The following SGSM2 variants were observed in gnomAD, a reference collection of about 807,000 sequenced individuals.
SGSM2 encodes the protein small G protein signaling modulator 2, also known as RUN and TBC1 domain containing 1.
In SGSM2, 89 loss-of-function variants were observed where a neutral mutation model predicts 126.6. The observed-to-expected ratio is 0.70, with a 90% CI of 0.59 to 0.84. The LOEUF is 0.84. Ranked by LOEUF, SGSM2 falls within the 40% of genes least tolerant of loss-of-function variation. SGSM2 has a pLI of 0.00. For synonymous variants in SGSM2, 614 were observed against 574.3 expected (o/e 1.07, Z -0.99); for missense variants, 1,404 against 1,416.6 (o/e 0.99, Z 0.14).
chr17:2,364,687 C>T (rs751465085), intron 9 of SGSM2, 24 bp downstream of exon 9: 43 of 1,613,664 alleles, frequency 2.7e-5, no homozygotes, highest in South Asian at 4.4e-5. Flanking sequence ...GTCCTCGGCT[C>T]GGGTGGGAAG....
rs1291495450 is a variant in SGSM2 at position 2,352,774 on chromosome 17, T to TC, written c.134-8863_134-8862insC. Among the ~76,000 whole-genome samples, 97 of 89,584 alleles carry TC rather than the reference T, an allele frequency of 1.1e-3. 21 individuals are homozygous for TC. Among genetic ancestry groups the TC allele is most frequent in the East Asian group, 2.4e-3 (8 of 3,316 alleles). The allele number at this position is 89,584 out of a possible 152,430, so 58.8% of individuals were successfully genotyped here. Reference sequence around the variant, plus strand: ...TAACCACTGCTGCATTTTCTTTTTTTTTTTTTTTTTTTTTTTTTTTTGAGA... The same window carrying TC: ...TAACCACTGCTGCATTTTCTTTTTTTCTTTTTTTTTTTTTTTTTTTTTGAGA... On this transcript the variant is annotated intron_variant, in intron 2 of 23. Transcript: ENST00000268989.
chr17:2,379,534 G>C lies in SGSM2; in HGVS notation c.*14G>C. 6.2e-7 allele frequency: 1 copy of C among 1,608,126 alleles called. No homozygotes were observed. On this transcript the variant is annotated 3_prime_UTR_variant, in exon 24 of 24. Coordinates refer to ENST00000268989, the MANE Select transcript of SGSM2 (RefSeq NM_014853.3). The stretch of plus-strand genomic sequence containing the variant: ...GAGAACAAGTGAGCTGGGGCCAGGA[G>C]GCAGCAGCCGTGCAGAGCCTGGGCT...
rs1299635455 is a variant in SGSM2, at chr17:2,362,768, A to G, written c.459-70A>G. 7 of 1,495,472 alleles carry G rather than the reference A, an allele frequency of 4.7e-6. No homozygotes were observed. Among genetic ancestry groups the G allele is most frequent in the Middle Eastern group, 4.1e-4 (2 of 4,822 alleles). The allele number at this position is 1,495,472 out of a possible 1,614,324, so 92.6% of individuals were successfully genotyped here. On this transcript the variant is annotated intron_variant, in intron 4 of 23. Coordinates refer to ENST00000268989, the MANE Select transcript of SGSM2 (RefSeq NM_014853.3). This position sits in a 1 kb window ranked among gnomAD's most constrained non-coding sequence, Gnocchi z 4.9. ...ATCTGGTCTTTGTGGGGATGTCCCTACCTGGTGAGCTTGACTGCCCTGGAA... is the reference window on the plus strand; with the variant it reads ...ATCTGGTCTTTGTGGGGATGTCCCTGCCTGGTGAGCTTGACTGCCCTGGAA...
At chr17:2,352,443 C>T (rs2064895709) in intron 2 of SGSM2, among the ~76,000 whole-genome samples, 1 of 152,206 alleles carries the variant, frequency 6.6e-6, no homozygotes, top group Non-Finnish European at 1.5e-5. Flanking sequence ...AAAGGTGAAA[C>T]CGGGCCGGAG....
chr17:2,362,200 G>T lies in SGSM2; in HGVS notation c.388G>T (p.Val130Leu). 1.9e-6 allele frequency: 3 copies of T among 1,613,610 alleles called. No individual in the cohort carries two copies. ...PALSPQALKHVWVRTALIEKV... is the reference protein window; with the variant it reads ...PALSPQALKHLWVRTALIEKV... Reference sequence around the variant, plus strand: ...CCTCAGCCCTCAGGCCTTGAAACACGTATGGGTACGCACGGCGCTCATCGA... The same window carrying T: ...CCTCAGCCCTCAGGCCTTGAAACACTTATGGGTACGCACGGCGCTCATCGA... The change falls in exon 4 of 24, where the codon GTA (valine) becomes TTA (leucine). Residue 130 changes from valine to leucine, a missense_variant. Val to Leu is a conservative substitution (Grantham distance 32, BLOSUM62 1). Coordinates refer to ENST00000268989, the MANE Select transcript of SGSM2 (RefSeq NM_014853.3). The surrounding 1 kb of genome is among the most constrained non-coding windows in gnomAD (Gnocchi z 4.9).
In SGSM2 at chr17:2,375,476, T is replaced by A. The variant is rs764450590; in HGVS notation, c.2101-16T>A. On this transcript the variant is annotated splice_polypyrimidine_tract_variant and intron_variant, in intron 17 of 23. Coordinates refer to ENST00000268989, the MANE Select transcript of SGSM2 (RefSeq NM_014853.3). The stretch of plus-strand genomic sequence containing the variant: ...TGCTGGAGTGCAGGTGGAGCCGCCC[T>A]GTGTTCACCCCCCAGGTGTTTATCT... 8.2e-6 allele frequency: 13 copies of A among 1,591,262 alleles called. No homozygotes were observed. The South Asian group carries it at 1.5e-4, about 18-fold the overall frequency.
chr17:2,347,938 G>A (rs191912822), intron 2 of SGSM2, among the ~76,000 whole-genome samples: 3 of 152,228 alleles, frequency 2.0e-5, no homozygotes, highest in Non-Finnish European at 4.4e-5. Context: ...ACCCCCCAGG[G>A]ATTGGGGCAG....
At chr17:2,341,768 T>A (rs1397742117) in intron 1 of SGSM2, among the ~76,000 whole-genome samples, 1 of 152,132 alleles carries the variant, frequency 6.6e-6, no homozygotes, top group South Asian at 2.1e-4. Context: ...TACATGGGAG[T>A]GTAAAGTGGT....
In SGSM2 at chr17:2,379,723, G is replaced by A; in HGVS notation, c.*203G>A. The A allele has an allele frequency of 1.4e-6, 2 of 1,410,106 alleles. No individual in the cohort carries two copies. The highest frequency in any genetic ancestry group is 2.5e-5 in the East Asian group (1 of 39,266). 87.3% of individuals were successfully genotyped at this position (1,410,106 alleles called of 1,614,324 possible). A position where few individuals can be genotyped will look rare whatever the true frequency, so the allele number is the denominator to read the frequency against. On this transcript the variant is annotated 3_prime_UTR_variant, in exon 24 of 24. Coordinates refer to ENST00000268989, the MANE Select transcript of SGSM2 (RefSeq NM_014853.3). ...CAGGATGCCCTCGGATCAGGGCCGG[G>A]ATGGGAGGGGTCAGCCTCAGGGAGC...
In SGSM2 at chr17:2,348,159, G is replaced by A. The variant is rs117781021; in HGVS notation, c.133+4539G>A. ...GTCTGCCCTGCAGTGAGCTCCTTCA[G>A]GGAATGGCAAGGAGATGCTAATAAG... is the stretch of plus-strand genomic sequence containing the variant. On this transcript the variant is annotated intron_variant, in intron 2 of 23. Transcript: ENST00000268989. Among the ~76,000 whole-genome samples, 11 of 152,310 alleles carry A rather than the reference G, an allele frequency of 7.2e-5. No individual in the cohort carries two copies. In the East Asian group the frequency reaches 2.1e-3, roughly 29 times the overall value.
At chr17:2,358,783 G>C (rs1301463641) in intron 2 of SGSM2, among the ~76,000 whole-genome samples, 1 of 151,814 alleles carries the variant, frequency 6.6e-6, no homozygotes, top group Non-Finnish European at 1.5e-5. Context: ...AGGAAAAAAA[G>C]CACTCTCCTA....
intron 1 of SGSM2, among the ~76,000 whole-genome samples, chr17:2,340,282 T>C (rs2064290608): frequency 1.3e-5 from 2 of 151,826 alleles, no homozygotes; most frequent in South Asian, 2.1e-4. Context: ...ACCCAGCTAA[T>C]TTTTCGTATT....
chr17:2,354,168 A>G (rs539499009), intron 2 of SGSM2, among the ~76,000 whole-genome samples: 3 of 152,166 alleles, frequency 2.0e-5, no homozygotes, highest in Non-Finnish European at 4.4e-5. Flanking sequence ...TGGCCTCCCA[A>G]ACTGTTGGGA....
At chr17:2,341,182 G>A (rs912443957) in intron 1 of SGSM2, among the ~76,000 whole-genome samples, 9 of 151,856 alleles carry the variant, frequency 5.9e-5, no homozygotes, top group African/African-American at 1.7e-4. Flanking sequence ...GCTGGAGTGC[G>A]ATCTCAGCTC....
At chr17:2,339,707 CAAA>C (rs747440533) in intron 1 of SGSM2, among the ~76,000 whole-genome samples, 8 of 60,562 alleles carry the variant, frequency 1.3e-4, no homozygotes, top group Admixed American at 1.9e-4. Context: ...CACTCCATCT[CAAA>C]AAAAAAAAAA....
At position 2,337,750 on chromosome 17, in the gene SGSM2, A is replaced by C. The variant is rs1268330810; in HGVS notation, c.57+5A>C. ...CTGTGGAACGTGAAGAAGGAGGTAA[A>C]GTCGAGTCAAGAACCCCGGGGGGCT... On this transcript the variant is annotated splice_donor_5th_base_variant and intron_variant, in intron 1 of 23. Coordinates refer to ENST00000268989, the MANE Select transcript of SGSM2 (RefSeq NM_014853.3). This position sits in a 1 kb window ranked among gnomAD's most constrained non-coding sequence, Gnocchi z 5.1. The C allele has an allele frequency of 2.6e-6, 4 of 1,530,956 alleles. No homozygotes were observed. The African/African-American group carries it at 5.7e-5, about 22-fold the overall frequency. 94.8% of individuals were successfully genotyped at this position (1,530,956 alleles called of 1,614,324 possible). A position where few individuals can be genotyped will look rare whatever the true frequency, so the allele number is the denominator to read the frequency against.
At chr17:2,369,941 G>C (rs550324629) in intron 12 of SGSM2, among the ~76,000 whole-genome samples, 26 of 152,282 alleles carry the variant, frequency 1.7e-4, no homozygotes, top group Middle Eastern at 3.4e-3. Flanking sequence ...CCTCCTGGTG[G>C]AGCTGAAGGG....
In SGSM2 at chr17:2,377,045, GC is replaced by G; in HGVS notation, c.2781del (p.Asn928ThrfsTer16). 1 of 1,613,240 alleles carries G rather than the reference GC, an allele frequency of 6.2e-7. No homozygotes were observed. The highest frequency in any genetic ancestry group is 8.5e-7 in the Non-Finnish European group (1 of 1,179,526). On this transcript the variant is annotated frameshift_variant, in exon 21 of 24. Coordinates refer to ENST00000268989, the MANE Select transcript of SGSM2 (RefSeq NM_014853.3). LOFTEE classifies it high-confidence loss of function. ...PNGGAMDTHF[A>X]NMRSLIQILD... ...CGGGGGTGCCATGGACACCCACTTT[GC>G]CAACATGCGCTCCCTCATCCAGGTG...
intron 12 of SGSM2, among the ~76,000 whole-genome samples, chr17:2,368,701 G>A (rs2151600339): frequency 6.8e-6 from 1 of 148,074 alleles, no homozygotes; most frequent in Admixed American, 6.7e-5. Context: ...CGTAGGCCAG[G>A]CCTAGGTGGG....
Sources: gnomAD v4.1 joint callset for allele counts (sites outside exome capture counted in the v4.1 genomes callset) on GRCh38, gnomAD v4.1.1 for gene constraint, Gnocchi (gnomAD v3.1) non-coding constraint, MANE v1.5 for transcripts, NCBI Gene and HGNC (gene_info 2026-07-23, HGNC 2026-07-21) for gene names.